SLC12A3: variants seen among roughly 807,000 people sequenced by gnomAD.
The protein encoded by SLC12A3 is Na-Cl cotransporter.
A neutral mutation model predicts 121.0 loss-of-function variants in SLC12A3; 104 were observed. That is an observed-to-expected ratio of 0.86 (90% CI 0.73 to 1.01). The LOEUF (loss-of-function observed/expected upper bound fraction) is 1.01. SLC12A3 is among the 50% of genes least tolerant of loss of function. SLC12A3 has a pLI of 0.00. For missense variants in SLC12A3, 1,328 were observed against 1,356.3 expected, an observed-to-expected ratio of 0.98 and a Z score of 0.33; for synonymous variants, 536 against 533.4, an observed-to-expected ratio of 1.00 and a Z score of -0.07.
At chr16:56,865,576 C>G in intron 1 of SLC12A3, 59 bp downstream of exon 1, 1 of 1,567,840 alleles carries the variant, frequency 6.4e-7, no homozygotes, top group Non-Finnish European at 8.7e-7. Context: ...ACCCAGCTAC[C>G]TAACCTCTCT....
At chr16:56,865,981 CT>C (rs1964344261) in intron 1 of SLC12A3, among the ~76,000 whole-genome samples, 1 of 100,536 alleles carries the variant, frequency 9.9e-6, no homozygotes, top group Non-Finnish European at 1.8e-5. Flanking sequence ...CTTTTCTTTT[CT>C]TTTCTTTTCT....
chr16:56,865,373 C>T lies in SLC12A3; in HGVS notation c.138C>T (p.Thr46=). The change falls in exon 1 of 26, where the codon ACC becomes ACT. Residue 46 remains threonine, a synonymous_variant. Transcript: ENST00000563236. ...ACAGCAGCCACCCCAGCCACCTGAC[C>T]CACAGCAGCACCTTCTGCATGCGCA... is the stretch of plus-strand genomic sequence containing the variant. The part of the protein sequence containing the change: ...AYDSSHPSHL[T]HSSTFCMRTF... The T allele has an allele frequency of 6.2e-7, 1 of 1,614,186 alleles. No individual in the cohort carries two copies. Among genetic ancestry groups the T allele is most frequent in the Non-Finnish European group, 8.5e-7 (1 of 1,180,046 alleles).
At chr16:56,886,751 C>A (rs572351446) in intron 16 of SLC12A3, among the ~76,000 whole-genome samples, 21 of 152,256 alleles carry the variant, frequency 1.4e-4, no homozygotes, top group African/African-American at 5.1e-4. Context: ...CCCCAGCTGC[C>A]CTGCCTCTTT....
intron 17 of SLC12A3, among the ~76,000 whole-genome samples, chr16:56,887,465 C>T (rs1483755329): frequency 6.6e-6 from 1 of 151,894 alleles, no homozygotes; most frequent in African/African-American, 2.4e-5. Context: ...TCTCAGCCCC[C>T]CAGAGTGCTC....
At chr16:56,873,735 G>C (rs1466178632) in intron 8 of SLC12A3, among the ~76,000 whole-genome samples, 1 of 138,442 alleles carries the variant, frequency 7.2e-6, no homozygotes, top group African/African-American at 2.7e-5. Context: ...ATGAAGTCTC[G>C]GTCTGTCGCC....
At chr16:56,875,107 C>T (rs1195383415) in intron 8 of SLC12A3, among the ~76,000 whole-genome samples, 4 of 151,586 alleles carry the variant, frequency 2.6e-5, no homozygotes, top group East Asian at 3.9e-4. Flanking sequence ...AACCAGCAGG[C>T]GTCAGCTGTC....
intron 12 of SLC12A3, 29 bp from the exon 13 acceptor site, chr16:56,882,367 C>A (rs1818509773): frequency 6.3e-7 from 1 of 1,580,832 alleles, no homozygotes. Flanking sequence ...GCCCAACAGG[C>A]TGTCCTCTCT....
chr16:56,882,293 T>A, intron 12 of SLC12A3, 103 bp from the exon 13 acceptor site: 9 of 867,380 alleles, frequency 1.0e-5, no homozygotes, highest in South Asian at 9.2e-5. Flanking sequence ...GACTGAGCCT[T>A]GGTGGCCTGT....
chr16:56,871,090 C>T (rs1401738605), intron 6 of SLC12A3, among the ~76,000 whole-genome samples: 7 of 152,214 alleles, frequency 4.6e-5, no homozygotes, highest in Admixed American at 3.3e-4. Context: ...CCGCCTTGGC[C>T]TCCCAAAGTG....
chr16:56,887,746 T>C (rs1246920795), intron 17 of SLC12A3, among the ~76,000 whole-genome samples, 179 bp from the exon 18 acceptor site: 5 of 143,814 alleles, frequency 3.5e-5, no homozygotes, highest in African/African-American at 1.3e-4. Flanking sequence ...AAAGTTTTGT[T>C]TTGTGCAAAA....
chr16:56,896,477 G>A (rs1296880560), intron 22 of SLC12A3, among the ~76,000 whole-genome samples: 1 of 152,200 alleles, frequency 6.6e-6, no homozygotes, highest in Non-Finnish European at 1.5e-5. Context: ...GGGCACAGTG[G>A]CTCTGCCTAT....
At chr16:56,909,821 G>A (rs1596960416) in intron 25 of SLC12A3, among the ~76,000 whole-genome samples, 1 of 152,088 alleles carries the variant, frequency 6.6e-6, no homozygotes, top group African/African-American at 2.4e-5. Context: ...CCCAAGCCTC[G>A]GTGAAATGAT....
At position 56,865,248 on chromosome 16, in the gene SLC12A3, CCCA is replaced by C. The variant is rs763922717; in HGVS notation, c.15_17del (p.Thr7del). 11 of 1,613,544 alleles carry C rather than the reference CCCA, an allele frequency of 6.8e-6. No individual in the cohort carries two copies. The highest frequency in any genetic ancestry group is 7.6e-6 in the Non-Finnish European group (9 of 1,180,010). On this transcript the variant is annotated inframe_deletion, in exon 1 of 26. Coordinates refer to ENST00000563236, the MANE Select transcript of SLC12A3 (RefSeq NM_001126108.2). ...CACCCAGGCGACAATGGCAGAACTG[CCCA>C]CAACAGAGACGCCTGGGGACGCCAC...
chr16:56,878,188 A>AG, intron 9 of SLC12A3, 27 bp downstream of exon 9: 1 of 1,555,914 alleles, frequency 6.4e-7, no homozygotes, highest in Non-Finnish European at 8.8e-7. Flanking sequence ...GCCAGTCAGG[A>AG]GGGGGAGGGA....
chr16:56,887,727 T>C (rs978612300), intron 17 of SLC12A3, among the ~76,000 whole-genome samples, 198 bp from the exon 18 acceptor site: 2 of 148,482 alleles, frequency 1.3e-5, no homozygotes, highest in Non-Finnish European at 3.0e-5. Flanking sequence ...CAGTCATCTT[T>C]CTCCCAATAA....
intron 25 of SLC12A3, chr16:56,906,839 CT>C: frequency 1.5e-6 from 1 of 659,736 alleles, no homozygotes; most frequent in Admixed American, 1.9e-5. Flanking sequence ...AGAAAAAGAC[CT>C]CAAGAAAGCA....
chr16:56,878,146 A>G lies in SLC12A3; in HGVS notation c.1165A>G (p.Ile389Val), dbSNP rs756678250. The change falls in exon 9 of 26, where the codon ATC becomes GTC. Residue 389 changes from isoleucine to valine, a missense_variant. Physicochemically the swap from Ile to Val is conservative, Grantham distance 29 (BLOSUM62 3). Coordinates refer to ENST00000563236, the MANE Select transcript of SLC12A3 (RefSeq NM_001126108.2). ...IFWTTISYLA[I>V]SATIGSCVVR... ...CTGGACGACCATTTCCTACCTGGCCATCTCAGCCACCATTGGTAAGTGGCC... is the reference window on the plus strand; with the variant it reads ...CTGGACGACCATTTCCTACCTGGCCGTCTCAGCCACCATTGGTAAGTGGCC... The G allele has an allele frequency of 4.4e-6, 7 of 1,605,382 alleles. No individual in the cohort carries two copies. In the South Asian group the frequency reaches 4.4e-5, roughly 10 times the overall value.
At chr16:56,871,162 G>A (rs1221304197) in intron 6 of SLC12A3, among the ~76,000 whole-genome samples, 1 of 152,122 alleles carries the variant, frequency 6.6e-6, no homozygotes, top group African/African-American at 2.4e-5. Context: ...TGACAACCTA[G>A]GTCCACATGG....
At chr16:56,879,824 C>A (rs760749084) in intron 11 of SLC12A3, among the ~76,000 whole-genome samples, 175 bp downstream of exon 11, 1 of 152,102 alleles carries the variant, frequency 6.6e-6, no homozygotes, top group African/African-American at 2.4e-5. Context: ...CAGCCCCCTC[C>A]GACTTGACAA....
Sources: allele counts gnomAD v4.1 joint callset (sites outside exome capture counted in the v4.1 genomes callset), GRCh38; gene constraint gnomAD v4.1.1; transcripts MANE v1.5; gene names NCBI Gene and HGNC (gene_info 2026-07-23, HGNC 2026-07-21).